NF1: variants seen among roughly 807,000 people sequenced by gnomAD.
NF1 encodes neurofibromin 1.
Under a neutral mutation model 325.7 loss-of-function variants are expected in NF1, and 122 were observed. That is an observed-to-expected ratio of 0.37 (90% CI 0.32 to 0.44). The LOEUF (loss-of-function observed/expected upper bound fraction) is 0.44. NF1 is among the 20% of genes least tolerant of loss of function. The probability of loss-of-function intolerance (pLI) is 1.00; values close to 1 mark genes in which losing one functional copy is unlikely to be tolerated. For missense variants in NF1, 2,140 were observed against 3,415.4 expected (o/e 0.63, Z 9.31); for synonymous variants, 1,091 against 1,186.0 (o/e 0.92, Z 1.65).
chr17:31,218,411 ATTTT>A (rs1480050324), intron 13 of NF1, among the ~76,000 whole-genome samples: 1 of 152,156 alleles, frequency 6.6e-6, no homozygotes, highest in East Asian at 1.9e-4. Context: ...ATTTAATAAA[ATTTT>A]TATTTTATTG....
chr17:31,233,904 A>T (rs2067156631), intron 27 of NF1, among the ~76,000 whole-genome samples: 1 of 151,816 alleles, frequency 6.6e-6, no homozygotes, highest in Admixed American at 6.6e-5. Flanking sequence ...TAAAATTCAA[A>T]CTCCTTACCC....
intron 36 of NF1, among the ~76,000 whole-genome samples, chr17:31,316,189 A>G (rs1226150718): frequency 6.6e-6 from 1 of 152,162 alleles, no homozygotes; most frequent in Non-Finnish European, 1.5e-5. Flanking sequence ...CTGATTCACT[A>G]TTTTTAAATC....
At chr17:31,103,617 C>T (rs990284968) in intron 1 of NF1, among the ~76,000 whole-genome samples, 11 of 152,288 alleles carry the variant, frequency 7.2e-5, no homozygotes, top group Non-Finnish European at 1.3e-4. Context: ...CTGCCTCAGC[C>T]TCCCAAAGTG....
intron 8 of NF1, among the ~76,000 whole-genome samples, chr17:31,189,803 C>T (rs1412245083): frequency 6.8e-6 from 1 of 147,096 alleles, no homozygotes; most frequent in Non-Finnish European, 1.5e-5. Flanking sequence ...CTCTTGTTGC[C>T]CAGGCTGGAG....
intron 36 of NF1, chr17:31,304,610 C>T: frequency 6.2e-7 from 1 of 1,614,148 alleles, no homozygotes; most frequent in South Asian, 1.1e-5. Context: ...TCTGCATCAT[C>T]TGAAGAAGAA....
rs17878346 is a variant in NF1, at chr17:31,095,774, C to T, written c.60+405C>T. ...GGTGGGTAACGTTTAGGGGTTCTCT[C>T]TTCCTCTTCCCTCCGTGACCCTCCT... On this transcript the variant is annotated intron_variant, in intron 1 of 57. Transcript: ENST00000358273. 1.7e-3 allele frequency among the ~76,000 whole-genome samples: 263 copies of T among 152,256 alleles called. 1 individual carries two copies. Among genetic ancestry groups the T allele is most frequent in the Admixed American group, 7.2e-3 (110 of 15,302 alleles).
At chr17:31,307,188 A>G (rs1359236813) in intron 36 of NF1, among the ~76,000 whole-genome samples, 2 of 151,914 alleles carry the variant, frequency 1.3e-5, no homozygotes, top group South Asian at 2.1e-4. Flanking sequence ...CGCCTGGCCT[A>G]TTTTTGTATT....
chr17:31,288,934 A>T (rs2068295759), intron 36 of NF1, among the ~76,000 whole-genome samples: 1 of 152,176 alleles, frequency 6.6e-6, no homozygotes, highest in Non-Finnish European at 1.5e-5. Context: ...TGTAACTTTG[A>T]AATAAATGAA....
intron 36 of NF1, among the ~76,000 whole-genome samples, chr17:31,302,617 G>A (rs944446256): frequency 6.6e-6 from 1 of 152,044 alleles, no homozygotes; most frequent in Non-Finnish European, 1.5e-5. Context: ...CGAGGCAGGT[G>A]GATCATGAGG....
Position 31,163,323 on chromosome 17 carries a change from A to G in NF1, c.426A>G (p.Leu142=), listed in dbSNP as rs2065794926. The change falls in exon 4 of 58, where the codon TTA becomes TTG. Residue 142 remains leucine (L), a synonymous_variant. Transcript: ENST00000358273. ...AELRNSASGV[L]FSLSCNNFNA... ...TTCGGAATTCTGCCTCTGGGGTTTT[A>G]TTTTCTCTCAGCTGCAACAACTTCA... 6.2e-7 allele frequency: 1 copy of G among 1,614,034 alleles called. No homozygotes were observed. The highest frequency in any genetic ancestry group is 1.1e-5 in the South Asian group (1 of 91,080).
rs200125519 is a variant in NF1, at chr17:31,305,112, T to C, written c.4836-20708T>C. ...TGACAGTTGATGTTGGTTGTGTGGA[T>C]GGATTATGAACAGTTATTTGTTTTC... On this transcript the variant is annotated intron_variant, in intron 36 of 57. Coordinates refer to ENST00000358273, the MANE Select transcript of NF1 (RefSeq NM_001042492.3). The C allele has an allele frequency of 1.6e-4, 254 of 1,614,152 alleles. 4 individuals are homozygous for C. The South Asian group carries it at 2.1e-3, about 13-fold the overall frequency.
rs1555604390 is a variant in NF1 at position 31,152,177 on chromosome 17, G to GGT, written c.61-3806_61-3805insGT. Among the ~76,000 whole-genome samples the GGT allele has an allele frequency of 6.7e-4, 100 of 149,526 alleles. 1 individual carries two copies. The highest frequency in any genetic ancestry group is 3.4e-3 in the Middle Eastern group (1 of 292). ...AGTCTGATGAGAGTCTAATTTTTGG[G>GGT]TTTTTTTTGTATAAATAATGTCCTC... is the stretch of plus-strand genomic sequence containing the variant. On this transcript the variant is annotated intron_variant, in intron 1 of 57. Transcript: ENST00000358273.
intron 8 of NF1, among the ~76,000 whole-genome samples, chr17:31,186,236 C>T (rs562000432): frequency 1.3e-5 from 2 of 152,144 alleles, no homozygotes; most frequent in Non-Finnish European, 2.9e-5. Context: ...TCTCTCTCCC[C>T]ACCTATACTG....
At chr17:31,160,616 T>C (rs1247046698) in intron 3 of NF1, among the ~76,000 whole-genome samples, 3 of 152,204 alleles carry the variant, frequency 2.0e-5, no homozygotes, top group South Asian at 2.1e-4. Flanking sequence ...TTTAAACTTT[T>C]CTTGAATCAG....
At chr17:31,156,265 C>T (rs1288374411) in intron 2 of NF1, 139 bp downstream of exon 2, 10 of 1,031,570 alleles carry the variant, frequency 9.7e-6, no homozygotes, top group African/African-American at 3.2e-5. Flanking sequence ...ATTTTGTTTA[C>T]GAGCACAGAT....
intron 29 of NF1, among the ~76,000 whole-genome samples, chr17:31,239,378 A>C (rs1412766530): frequency 5.9e-5 from 9 of 152,238 alleles, no homozygotes; most frequent in Non-Finnish European, 1.3e-4. Flanking sequence ...CCAAACTGAA[A>C]TGCAAAGACA....
chr17:31,317,640 T>C (rs1348818814), intron 36 of NF1: 2 of 152,206 alleles, frequency 1.3e-5, no homozygotes, highest in Non-Finnish European at 2.9e-5. Context: ...TCTAAAGTAA[T>C]AAAGTGAATG....
intron 8 of NF1, among the ~76,000 whole-genome samples, chr17:31,184,653 A>T (rs868556069): frequency 6.8e-6 from 1 of 147,906 alleles, no homozygotes; most frequent in African/African-American, 2.5e-5. Flanking sequence ...GTCTCAAAAA[A>T]AAAAAATAAA....
intron 5 of NF1, among the ~76,000 whole-genome samples, chr17:31,173,759 A>G (rs549387482): frequency 1.3e-5 from 2 of 152,352 alleles, no homozygotes; most frequent in Non-Finnish European, 2.9e-5. Flanking sequence ...AAAATGATAA[A>G]TTCAGTTTTA....
Sources: allele counts gnomAD v4.1 joint callset (sites outside exome capture counted in the v4.1 genomes callset), GRCh38; gene constraint gnomAD v4.1.1; transcripts MANE v1.5; gene names NCBI Gene and HGNC (gene_info 2026-07-23, HGNC 2026-07-21).